Variants in COBLL1 observed in about 807,000 individuals in gnomAD.
COBLL1 encodes the protein cordon-bleu WH2 repeat protein like 1.
In COBLL1, 50 loss-of-function variants were observed where a neutral mutation model predicts 94.8. The observed-to-expected ratio is 0.53, with a 90% CI of 0.42 to 0.67. The LOEUF (loss-of-function observed/expected upper bound fraction) is 0.67, where lower values mean the gene tolerates loss of function less well. Among genes scored for constraint, COBLL1 ranks in the 30% least tolerant of loss-of-function variants. The pLI is 0.00. For missense variants in COBLL1, 1,362 were observed against 1,348.7 expected, an observed-to-expected ratio of 1.01 and a Z score of -0.15; for synonymous variants, 448 against 473.8, an observed-to-expected ratio of 0.95 and a Z score of 0.71.
intron 7 of COBLL1, among the ~76,000 whole-genome samples, chr2:164,717,586 C>T (rs141074187): frequency 1.1e-3 from 175 of 152,282 alleles, no homozygotes; most frequent in African/African-American, 3.9e-3. Context: ...CACAGTCTCA[C>T]CCTGTCACCC....
chr2:164,671,255 TAAA>T (rs1355264962), intron 1 of COBLL1, among the ~76,000 whole-genome samples: 5 of 152,088 alleles, frequency 3.3e-5, no homozygotes, highest in Admixed American at 2.0e-4. Flanking sequence ...AATTAGTAAA[TAAA>T]GAAGTATGGT....
intron 2 of COBLL1, among the ~76,000 whole-genome samples, chr2:164,783,882 C>T (rs355903): frequency 0.54 from 81,463 of 151,976 alleles, 23,815 homozygotes; most frequent in African/African-American, 0.78. Flanking sequence ...AGGAAGATTG[C>T]TTGAGCCTGG....
intron 2 of COBLL1, among the ~76,000 whole-genome samples, chr2:164,751,641 C>T (rs544848218): frequency 7.2e-5 from 11 of 152,130 alleles, no homozygotes; most frequent in Admixed American, 3.9e-4. Context: ...TGCCCCAAAG[C>T]GCATAGAACA....
At position 164,805,317 on chromosome 2, in the gene COBLL1, CTCTCTCTCTCTCTCTCTCTCTATATA is replaced by C. The variant is rs1245715430; in HGVS notation, c.41+35813_41+35838del. 8.9e-3 allele frequency among the ~76,000 whole-genome samples: 316 copies of C among 35,652 alleles called. 29 individuals carry two copies. Among genetic ancestry groups the C allele is most frequent in the South Asian group, 0.022 (27 of 1,202 alleles). The allele number at this position is 35,652 out of a possible 152,430, so 23.4% of individuals were successfully genotyped here. On this transcript the variant is annotated intron_variant, in intron 2 of 13. Coordinates refer to ENST00000652658, the MANE Select transcript of COBLL1 (RefSeq NM_001365672.2). ...TCTCTCTCTCTCTCTCTCTCTCTCT[CTCTCTCTCTCTCTCTCTCTCTATATA>C]TATATATATATATATATATAAAACT... is the stretch of plus-strand genomic sequence containing the variant.
chr2:164,677,459 G>T (rs1213087028), downstream of COBLL1, among the ~76,000 whole-genome samples: 1 of 152,056 alleles, frequency 6.6e-6, no homozygotes, highest in Non-Finnish European at 1.5e-5. Context: ...ACTATTATGG[G>T]ACAACAAAAC....
downstream of COBLL1, among the ~76,000 whole-genome samples, chr2:164,676,177 C>G (rs1330180489): frequency 6.6e-6 from 1 of 152,156 alleles, no homozygotes; most frequent in East Asian, 1.9e-4. Context: ...GAATGGTTGA[C>G]ATTCAAGCAG....
intron 2 of COBLL1, among the ~76,000 whole-genome samples, chr2:164,814,837 T>A (rs1684636863): frequency 6.6e-6 from 1 of 152,192 alleles, no homozygotes; most frequent in African/African-American, 2.4e-5. Context: ...CCTCTAAACC[T>A]TCCTCCACCC....
chr2:164,750,883 T>C (rs73968245), intron 2 of COBLL1, among the ~76,000 whole-genome samples: 6,518 of 152,084 alleles, frequency 0.043, 149 homozygotes, highest in East Asian at 0.07. Context: ...ATTTGACAAC[T>C]CTCCAAGTGA....
Position 164,680,657 on chromosome 2 carries a change from G to T in COBLL1, c.*5289C>A, listed in dbSNP as rs1682995637. ...TGAAATAGCACAGTTGCCAGATTTA[G>T]CTAAGAAAAATACAGGATGCCTAGT... On this transcript the variant is annotated 3_prime_UTR_variant, in exon 14 of 14. Coordinates refer to ENST00000652658, the MANE Select transcript of COBLL1 (RefSeq NM_001365672.2). The T allele has an allele frequency of 6.6e-6, 1 of 152,026 alleles. No individual in the cohort carries two copies. The highest frequency in any genetic ancestry group is 6.6e-5 in the Admixed American group (1 of 15,258). The allele number at this position is 152,026 out of a possible 1,614,324, so 9.4% of individuals were successfully genotyped here.
intron 7 of COBLL1, chr2:164,718,200 C>A (rs913109677): frequency 5.3e-6 from 5 of 951,990 alleles, no homozygotes; most frequent in Non-Finnish European, 6.3e-6. Context: ...CTCTTGAACA[C>A]CTACCATGTT....
intron 2 of COBLL1, among the ~76,000 whole-genome samples, chr2:164,758,326 C>T (rs930671741): frequency 1.3e-5 from 2 of 151,744 alleles, no homozygotes; most frequent in Non-Finnish European, 2.9e-5. Flanking sequence ...GAAACTATGC[C>T]AAATGTTTTA....
intron 2 of COBLL1, among the ~76,000 whole-genome samples, chr2:164,808,894 AT>A (rs1218429679): frequency 6.6e-6 from 1 of 152,172 alleles, no homozygotes; most frequent in African/African-American, 2.4e-5. Flanking sequence ...CCACTCACAT[AT>A]TCTTAAAAAG....
At chr2:164,767,148 CAA>C (rs1687972392) in intron 2 of COBLL1, among the ~76,000 whole-genome samples, 1 of 152,170 alleles carries the variant, frequency 6.6e-6, no homozygotes, top group African/African-American at 2.4e-5. Flanking sequence ...AATTCTACTC[CAA>C]GTGTCGCTTA....
intron 13 of COBLL1, chr2:164,687,760 A>G: frequency 1.8e-6 from 1 of 561,256 alleles, no homozygotes; most frequent in South Asian, 2.1e-5. Context: ...GGAACTCAGT[A>G]CACTTAATTG....
chr2:164,797,489 A>C (rs1228793641), intron 2 of COBLL1, among the ~76,000 whole-genome samples: 6 of 152,080 alleles, frequency 3.9e-5, no homozygotes, highest in Non-Finnish European at 7.4e-5. Context: ...AGAAAAAAAA[A>C]CCCTTAGGGT....
At chr2:164,707,062 T>G (rs1684640478) in intron 7 of COBLL1, among the ~76,000 whole-genome samples, 1 of 152,108 alleles carries the variant, frequency 6.6e-6, no homozygotes, top group African/African-American at 2.4e-5. Context: ...CACAGGGTGG[T>G]CACCCTTACT....
chr2:164,805,309 C>A (rs1360666287), intron 2 of COBLL1, among the ~76,000 whole-genome samples: 421 of 32,480 alleles, frequency 0.013, 47 homozygotes, highest in African/African-American at 0.057. Context: ...CTCTCTCTCT[C>A]TCTCTCTCTC....
intron 7 of COBLL1, among the ~76,000 whole-genome samples, chr2:164,706,663 A>G (rs1020058438): frequency 1.3e-5 from 2 of 152,146 alleles, no homozygotes; most frequent in African/African-American, 4.8e-5. Context: ...CTCATCTTGT[A>G]TCTGTCACAT....
intron 2 of COBLL1, among the ~76,000 whole-genome samples, chr2:164,792,666 C>T (rs911319965): frequency 2.0e-5 from 3 of 152,122 alleles, no homozygotes; most frequent in African/African-American, 7.2e-5. Context: ...ATACACGTAA[C>T]GCACAGTAAG....
Sources: allele counts gnomAD v4.1 joint callset (sites outside exome capture counted in the v4.1 genomes callset), GRCh38; gene constraint gnomAD v4.1.1; transcripts MANE v1.5; gene names NCBI Gene and HGNC (gene_info 2026-07-23, HGNC 2026-07-21).